PHACTR3: variants seen among roughly 807,000 people sequenced by gnomAD.
PHACTR3 encodes the protein protein phosphatase 1, regulatory subunit 123.
A neutral mutation model predicts 66.8 loss-of-function variants in PHACTR3; 16 were observed. That is an observed-to-expected ratio of 0.24 (90% CI 0.16 to 0.36). The LOEUF is 0.36. Ranked by LOEUF, PHACTR3 falls within the 10% of genes least tolerant of loss-of-function variation. PHACTR3 has a pLI of 1.00. For missense variants in PHACTR3, 647 were observed against 719.9 expected (o/e 0.90, Z 1.16); for synonymous variants, 323 against 292.1 (o/e 1.11, Z -1.08).
intron 1 of PHACTR3, among the ~76,000 whole-genome samples, chr20:59,692,691 G>A (rs371601133): frequency 1.8e-4 from 27 of 152,306 alleles, no homozygotes; most frequent in East Asian, 1.4e-3. Context: ...CTGCTAGACC[G>A]TGCCTCCTCT....
chr20:59,653,373 C>T (rs577401023), intron 1 of PHACTR3, among the ~76,000 whole-genome samples: 10 of 152,028 alleles, frequency 6.6e-5, no homozygotes, highest in South Asian at 2.1e-4. Flanking sequence ...TTAATAGAGA[C>T]GGGGTTTCAC....
chr20:59,825,080 G>C (rs1425577320), intron 8 of PHACTR3, among the ~76,000 whole-genome samples: 1 of 152,228 alleles, frequency 6.6e-6, no homozygotes, highest in Non-Finnish European at 1.5e-5. Context: ...GTGCCAGCTT[G>C]AGAGGCTGTG....
chr20:59,613,968 G>T (rs1405242088), intron 1 of PHACTR3, among the ~76,000 whole-genome samples: 2 of 152,230 alleles, frequency 1.3e-5, no homozygotes, highest in Non-Finnish European at 2.9e-5. Flanking sequence ...GTCAACTCTT[G>T]TTATAAAAGG....
intron 10 of PHACTR3, among the ~76,000 whole-genome samples, 193 bp from the exon 11 acceptor site, chr20:59,841,202 G>A (rs2059054153): frequency 6.6e-6 from 1 of 152,084 alleles, no homozygotes; most frequent in Non-Finnish European, 1.5e-5. Flanking sequence ...GGAGGAAGGG[G>A]GATTGTGATT....
At chr20:59,745,711 T>G (rs2039341834) in intron 2 of PHACTR3, among the ~76,000 whole-genome samples, 1 of 152,238 alleles carries the variant, frequency 6.6e-6, no homozygotes, top group Non-Finnish European at 1.5e-5. Flanking sequence ...CGGCTGAAGA[T>G]GGCTCTCAGG....
chr20:59,737,223 C>T (rs1290878584), intron 1 of PHACTR3, among the ~76,000 whole-genome samples: 5 of 152,174 alleles, frequency 3.3e-5, no homozygotes, highest in Non-Finnish European at 5.9e-5. Flanking sequence ...GCACCCAGTG[C>T]TGACCCTGTC....
chr20:59,754,075 G>A (rs979449666), intron 3 of PHACTR3, among the ~76,000 whole-genome samples: 7 of 152,270 alleles, frequency 4.6e-5, no homozygotes, highest in African/African-American at 1.7e-4. Flanking sequence ...GAGGAGTCCT[G>A]CAGGGCTATG....
chr20:59,622,365 TG>T (rs952131321), intron 1 of PHACTR3, among the ~76,000 whole-genome samples: 1 of 152,098 alleles, frequency 6.6e-6, no homozygotes, highest in African/African-American at 2.4e-5. Flanking sequence ...CTCTATAAAC[TG>T]GGGGCAATGC....
chr20:59,631,777 T>C (rs1252492812), intron 1 of PHACTR3, among the ~76,000 whole-genome samples: 1 of 152,128 alleles, frequency 6.6e-6, no homozygotes, highest in Non-Finnish European at 1.5e-5. Flanking sequence ...CACTGCATTG[T>C]CCTCATTTTT....
At chr20:59,766,034 G>A (rs2040169040) in intron 4 of PHACTR3, among the ~76,000 whole-genome samples, 1 of 152,242 alleles carries the variant, frequency 6.6e-6, no homozygotes, top group Admixed American at 6.5e-5. Context: ...ATCTCTCTTG[G>A]ATCAGAGGGA....
chr20:59,782,497 C>T (rs1027521292), intron 7 of PHACTR3, among the ~76,000 whole-genome samples: 5 of 152,192 alleles, frequency 3.3e-5, no homozygotes, highest in African/African-American at 1.2e-4. Context: ...GGTGATCCAC[C>T]CACCTCGGCC....
chr20:59,667,545 C>A (rs534856859), intron 1 of PHACTR3, among the ~76,000 whole-genome samples: 1 of 152,364 alleles, frequency 6.6e-6, no homozygotes, highest in African/African-American at 2.4e-5. Context: ...AGCAGGGACA[C>A]CCTCGCCATG....
intron 1 of PHACTR3, among the ~76,000 whole-genome samples, chr20:59,650,696 G>A (rs1328108027): frequency 6.9e-6 from 1 of 144,496 alleles, no homozygotes; most frequent in African/African-American, 2.6e-5. Context: ...ACATTTGTAA[G>A]TGGCAAGAGA....
chr20:59,743,654 C>T (rs1414666951), intron 2 of PHACTR3, among the ~76,000 whole-genome samples: 11 of 152,242 alleles, frequency 7.2e-5, no homozygotes, highest in South Asian at 2.1e-4. Context: ...CCCCAGCCCA[C>T]GCGACTCCCG....
intron 11 of PHACTR3, among the ~76,000 whole-genome samples, chr20:59,842,489 A>G (rs576152276): frequency 6.6e-6 from 1 of 152,282 alleles, no homozygotes; most frequent in South Asian, 2.1e-4. Context: ...GGTGGTCTGC[A>G]GATGTGTTTG....
intron 4 of PHACTR3, among the ~76,000 whole-genome samples, chr20:59,765,050 C>A (rs543976674): frequency 2.0e-5 from 3 of 152,320 alleles, no homozygotes; most frequent in African/African-American, 4.8e-5. Context: ...ATAACTGGAA[C>A]CTACATAGAG....
At chr20:59,657,247 T>C (rs1190232440) in intron 1 of PHACTR3, among the ~76,000 whole-genome samples, 1 of 137,732 alleles carries the variant, frequency 7.3e-6, no homozygotes, top group African/African-American at 2.8e-5. Context: ...GGCACAATGA[T>C]AGAAGTGTGT....
intron 8 of PHACTR3, among the ~76,000 whole-genome samples, chr20:59,823,375 C>G (rs1001608182): frequency 6.6e-6 from 1 of 152,226 alleles, no homozygotes; most frequent in Admixed American, 6.5e-5. Flanking sequence ...ATCCTTCGCT[C>G]GGCATCAGTC....
intron 1 of PHACTR3, among the ~76,000 whole-genome samples, chr20:59,668,782 A>C (rs1212018732): frequency 6.6e-6 from 1 of 151,536 alleles, no homozygotes; most frequent in African/African-American, 2.4e-5. Flanking sequence ...GCTCACTGCA[A>C]CTCCGCCTCC....
Sources: gnomAD v4.1 joint callset for allele counts (sites outside exome capture counted in the v4.1 genomes callset) on GRCh38, gnomAD v4.1.1 for gene constraint, MANE v1.5 for transcripts, NCBI Gene and HGNC (gene_info 2026-07-23, HGNC 2026-07-21) for gene names.